MMRN2: variants seen among roughly 807,000 people sequenced by gnomAD.
MMRN2 encodes the protein multimerin 2.
MMRN2 carries 53 observed loss-of-function variants against 68.8 expected under a neutral mutation model. That is an observed-to-expected ratio of 0.77 (90% CI 0.62 to 0.97). The LOEUF (loss-of-function observed/expected upper bound fraction) is 0.97. MMRN2 is among the 50% of genes least tolerant of loss of function. MMRN2 has a pLI of 0.00. For synonymous variants in MMRN2, 564 were observed against 551.6 expected (o/e 1.02, Z -0.32); for missense variants, 1,266 against 1,259.5 (o/e 1.01, Z -0.08).
Position 86,936,641 on chromosome 10 carries a change from G to T in MMRN2, c.*102C>A. On this transcript the variant is annotated 3_prime_UTR_variant, in exon 7 of 7. Transcript: ENST00000372027. ...ATCTTTGCAGAAGGTTTCCAGGGAA[G>T]AGACAGACCAACTGAATGACCTCCA... The T allele has an allele frequency of 7.0e-7, 1 of 1,428,956 alleles. No individual in the cohort carries two copies. The highest frequency in any genetic ancestry group is 1.3e-5 in the South Asian group (1 of 76,804). The allele number at this position is 1,428,956 out of a possible 1,614,324, so 88.5% of individuals were successfully genotyped here.
At chr10:86,944,507 G>T (rs1294045939) in intron 4 of MMRN2, 72 bp from the exon 5 acceptor site, 25 of 1,549,982 alleles carry the variant, frequency 1.6e-5, no homozygotes, top group Middle Eastern at 4.5e-4. Context: ...GTTCAGAGAA[G>T]GAGAGTTGAA....
chr10:86,947,981 C>T, intron 1 of MMRN2, among the ~76,000 whole-genome samples: 1 of 152,056 alleles, frequency 6.6e-6, no homozygotes, highest in Non-Finnish European at 1.5e-5. Flanking sequence ...CGCCTGTAAC[C>T]CCAGCACTTT....
In MMRN2 at chr10:86,950,799, G is replaced by A. The variant is rs115087278; in HGVS notation, c.165-5110C>T. Among the ~76,000 whole-genome samples the A allele has an allele frequency of 5.1e-3, 782 of 152,276 alleles. 7 individuals carry two copies. The highest frequency in any genetic ancestry group is 0.017 in the African/African-American group (711 of 41,564). On this transcript the variant is annotated intron_variant, in intron 1 of 6. Transcript: ENST00000372027. Reference sequence around the variant, plus strand: ...GACATGAAATTTTAGAACTCTGTGAGTTCTAAATTTTTACTACAGGGAAAA... The same window carrying A: ...GACATGAAATTTTAGAACTCTGTGAATTCTAAATTTTTACTACAGGGAAAA...
chr10:86,943,111 C>G lies in MMRN2; in HGVS notation c.1673G>C (p.Arg558Pro), dbSNP rs899823811. 1 of 1,494,766 alleles carries G rather than the reference C, an allele frequency of 6.7e-7. No homozygotes were observed. The allele number at this position is 1,494,766 out of a possible 1,614,324, so 92.6% of individuals were successfully genotyped here. A position where few individuals can be genotyped will look rare whatever the true frequency, so the allele number is the denominator to read the frequency against. ...GCTCCGGAGCCGCGACGTGGCCGCC[C>G]GCGCCCGCTCGCCCTCCGCTTTGTG... ...DAHKAEGERA[R>P]AATSRLRSQV... The change falls in exon 6 of 7, where the codon CGG becomes CCG. Residue 558 changes from arginine to proline, a missense_variant. Arg to Pro is a moderately radical substitution (Grantham distance 103). Coordinates refer to ENST00000372027, the MANE Select transcript of MMRN2 (RefSeq NM_024756.3). The surrounding 1 kb of genome is among the most constrained non-coding windows in gnomAD (Gnocchi z 4.2).
At chr10:86,956,438 C>T (rs1485572625) in intron 1 of MMRN2, among the ~76,000 whole-genome samples, 1 of 152,204 alleles carries the variant, frequency 6.6e-6, no homozygotes, top group African/African-American at 2.4e-5. Flanking sequence ...AAGTTGGCCC[C>T]CCCCTCACTC....
rs1220469122 is a variant in MMRN2, at chr10:86,942,415, G to A, written c.2369C>T (p.Ala790Val). The change falls in exon 6 of 7, where the codon GCT becomes GTT. Residue 790 changes from alanine (A) to valine (V), a missense_variant. Ala to Val is a moderately conservative substitution (Grantham distance 64). Transcript: ENST00000372027. The stretch of plus-strand genomic sequence containing the variant: ...TTCCTTCTTGTCCCTCTTCCGGGGA[G>A]CTTCCAGGTCTTTCTGCTGCTTCTT... ...KGKKQQKDLE[A>V]PRKRDKKEAE... 1.2e-6 allele frequency: 2 copies of A among 1,614,218 alleles called. No individual in the cohort carries two copies. Among genetic ancestry groups the A allele is most frequent in the Non-Finnish European group, 1.7e-6 (2 of 1,180,026 alleles).
Position 86,945,533 on chromosome 10 carries a change from G to A in MMRN2, c.293+28C>T, listed in dbSNP as rs750736708. 40 of 1,569,426 alleles carry A rather than the reference G, an allele frequency of 2.5e-5. No homozygotes were observed. The Middle Eastern group carries it at 6.6e-4, about 26-fold the overall frequency. ...CCAGGGAGGGCCCGCTCCAGGCCTG[G>A]GCAAATGGCCCACCCTCCCCTACTC... On this transcript the variant is annotated intron_variant, in intron 2 of 6. Coordinates refer to ENST00000372027, the MANE Select transcript of MMRN2 (RefSeq NM_024756.3).
chr10:86,943,630 A>T lies in MMRN2; in HGVS notation c.1154T>A (p.Met385Lys). ...CTCCTCCTCCCTGCGGGCCGTGGTCATGTGCAGCTCTGAGAGGTTCCTCTG... is the reference window on the plus strand; with the variant it reads ...CTCCTCCTCCCTGCGGGCCGTGGTCTTGTGCAGCTCTGAGAGGTTCCTCTG... ...QLQRNLSELH[M>K]TTARREEELQ... The change falls in exon 6 of 7, where the codon ATG becomes AAG. Residue 385 changes from methionine (M) to lysine (K), a missense_variant. Met to Lys is a moderately conservative substitution (Grantham distance 95, BLOSUM62 -1). Coordinates refer to ENST00000372027, the MANE Select transcript of MMRN2 (RefSeq NM_024756.3). This position sits in a 1 kb window ranked among gnomAD's most constrained non-coding sequence, Gnocchi z 4.2. 1 of 1,613,640 alleles carries T rather than the reference A, an allele frequency of 6.2e-7. No individual in the cohort carries two copies. Among genetic ancestry groups the T allele is most frequent in the South Asian group, 1.1e-5 (1 of 91,086 alleles).
chr10:86,946,053 G>T (rs954373564), intron 1 of MMRN2, among the ~76,000 whole-genome samples: 2 of 152,198 alleles, frequency 1.3e-5, no homozygotes, highest in Admixed American at 6.5e-5. Context: ...GCAGCTGTCT[G>T]CATGGATTCC....
At chr10:86,952,544 T>C (rs1844159729) in intron 1 of MMRN2, among the ~76,000 whole-genome samples, 1 of 152,196 alleles carries the variant, frequency 6.6e-6, no homozygotes, top group South Asian at 2.1e-4. Context: ...TCGGTAGGAC[T>C]GTGATGCCCA....
At position 86,942,951 on chromosome 10, in the gene MMRN2, G is replaced by A; in HGVS notation, c.1833C>T (p.Ala611=). 3 of 1,500,740 alleles carry A rather than the reference G, an allele frequency of 2.0e-6. No individual in the cohort carries two copies. Among genetic ancestry groups the A allele is most frequent in the Non-Finnish European group, 8.9e-7 (1 of 1,126,572 alleles). 93.0% of individuals were successfully genotyped at this position (1,500,740 alleles called of 1,614,324 possible). Residue 611 remains alanine (A), a synonymous_variant, in exon 6 of 7, where the codon GCC becomes GCT. Transcript: ENST00000372027. ...EDALRHEAVL[A]ALFGEEVLEE... is the part of the protein sequence containing the mutation. ...CCAGCACCTCCTCCCCGAAGAGCGCGGCCAGCACCGCCTCGTGCCGCAGCG... is the reference window on the plus strand; with the variant it reads ...CCAGCACCTCCTCCCCGAAGAGCGCAGCCAGCACCGCCTCGTGCCGCAGCG...
intron 6 of MMRN2, among the ~76,000 whole-genome samples, chr10:86,937,940 G>T (rs1027322553): frequency 1.3e-5 from 2 of 152,024 alleles, no homozygotes; most frequent in African/African-American, 2.4e-5. Flanking sequence ...CTTCAAGCTG[G>T]TCTTCTTTTT....
rs374811108 is a variant in MMRN2 at position 86,936,780 on chromosome 10, C to T, written c.2813G>A (p.Gly938Asp). 1.5e-5 allele frequency: 25 copies of T among 1,614,198 alleles called. No homozygotes were observed. Among genetic ancestry groups the T allele is most frequent in the Non-Finnish European group, 2.0e-5 (24 of 1,180,040 alleles). Residue 938 changes from glycine to aspartate, a missense_variant, in exon 7 of 7, where the codon GGC (glycine) becomes GAC (aspartate). Gly to Asp is a moderately conservative substitution (Grantham distance 94, BLOSUM62 -1). Coordinates refer to ENST00000372027, the MANE Select transcript of MMRN2 (RefSeq NM_024756.3). Reference sequence around the variant, plus strand: ...CATCAGGAAGCCCCCAAATGCAGTGCCCGACAGGCTTCTCTTTGTTATTGA... The same window carrying T: ...CATCAGGAAGCCCCCAAATGCAGTGTCCGACAGGCTTCTCTTTGTTATTGA... ...QGSITKRSLS[G>D]TAFGGFLMFK...
intron 6 of MMRN2, among the ~76,000 whole-genome samples, chr10:86,938,139 GC>G (rs1843907443): frequency 6.6e-6 from 1 of 152,122 alleles, no homozygotes; most frequent in African/African-American, 2.4e-5. Context: ...TTGCTCTGTT[GC>G]CCAGGCTGGT....
intron 1 of MMRN2, 180 bp from the exon 2 acceptor site, chr10:86,945,869 A>G: frequency 7.0e-7 from 1 of 1,430,412 alleles, no homozygotes; most frequent in Non-Finnish European, 9.1e-7. Context: ...ATGTTTCACA[A>G]TCCCTACCTG....
In MMRN2 at chr10:86,945,380, G is replaced by A. The variant is rs147792146; in HGVS notation, c.390C>T (p.Cys130=). Residue 130 remains cysteine (C), a synonymous_variant, in exon 3 of 7, where the codon TGC becomes TGT. Coordinates refer to ENST00000372027, the MANE Select transcript of MMRN2 (RefSeq NM_024756.3). ...CGCAGGGAGCCCTACCGTGGTGCTC[G>A]CAGTTGGGGCCCGTGTAGCCAGGGC... The part of the protein sequence containing the change: ...RCCPGYTGPN[C]EHHDSMAIPE... 1.7e-4 allele frequency: 264 copies of A among 1,590,866 alleles called. No homozygotes were observed. The African/African-American group carries it at 2.8e-3, about 17-fold the overall frequency.
chr10:86,939,839 T>TG (rs1843941786), intron 6 of MMRN2, among the ~76,000 whole-genome samples: 5 of 120,370 alleles, frequency 4.2e-5, no homozygotes, highest in African/African-American at 8.7e-5. Flanking sequence ...GTGTGTGTGT[T>TG]TGTGTGTGTG....
intron 6 of MMRN2, among the ~76,000 whole-genome samples, chr10:86,938,697 A>G (rs1843913584): frequency 6.6e-6 from 1 of 152,248 alleles, no homozygotes; most frequent in African/African-American, 2.4e-5. Context: ...CAAAGCCTTC[A>G]GAGGAGCAGT....
At chr10:86,957,031 T>C (rs1844245419) in intron 1 of MMRN2, among the ~76,000 whole-genome samples, 1 of 152,208 alleles carries the variant, frequency 6.6e-6, no homozygotes, top group South Asian at 2.1e-4. Context: ...TCAGAATTGA[T>C]TTCTTTGGAA....
Sources: allele counts gnomAD v4.1 joint callset (sites outside exome capture counted in the v4.1 genomes callset), GRCh38; gene constraint gnomAD v4.1.1; non-coding constraint Gnocchi (gnomAD v3.1); transcripts MANE v1.5; gene names NCBI Gene and HGNC (gene_info 2026-07-23, HGNC 2026-07-21).